The following ATP13A4 variants were observed in gnomAD, a reference collection of about 807,000 sequenced individuals.
ATP13A4 encodes the protein ATPase 13A4.
In ATP13A4, 114 loss-of-function variants were observed where a neutral mutation model predicts 142.5. The observed-to-expected ratio is 0.80, with a 90% CI of 0.69 to 0.93. The LOEUF (loss-of-function observed/expected upper bound fraction) is 0.93. Among genes scored for constraint, ATP13A4 ranks in the 40% least tolerant of loss-of-function variants. ATP13A4 has a pLI of 0.00. For synonymous variants in ATP13A4, 488 were observed against 514.8 expected, an observed-to-expected ratio of 0.95 and a Z score of 0.70; for missense variants, 1,392 against 1,454.0, an observed-to-expected ratio of 0.96 and a Z score of 0.69.
chr3:193,505,904 G>C (rs1464575120), intron 2 of ATP13A4, among the ~76,000 whole-genome samples: 2 of 152,164 alleles, frequency 1.3e-5, no homozygotes, highest in Non-Finnish European at 2.9e-5. Context: ...TCTTACAACT[G>C]TCTGAAGCTA....
intron 13 of ATP13A4, among the ~76,000 whole-genome samples, chr3:193,459,467 C>T (rs1717827655): frequency 6.6e-6 from 1 of 152,212 alleles, no homozygotes; most frequent in Admixed American, 6.5e-5. Flanking sequence ...CACTCTATCA[C>T]TCTGTCACCC....
rs78372936 is a variant in ATP13A4, at chr3:193,432,213, C to A, written c.2842+1632G>T. ...GTAGGAGTAAAAGCATAAATGGAAC[C>A]ACTACAAACCTATTAGAATGGCCAA... On this transcript the variant is annotated intron_variant, in intron 25 of 29. Transcript: ENST00000342695. Among the ~76,000 whole-genome samples, 571 of 151,916 alleles carry A rather than the reference C, an allele frequency of 3.8e-3. 3 individuals carry two copies. The highest frequency in any genetic ancestry group is 0.013 in the African/African-American group (548 of 41,448).
intron 1 of ATP13A4, among the ~76,000 whole-genome samples, chr3:193,523,026 G>C (rs1487485531): frequency 6.6e-6 from 1 of 151,954 alleles, no homozygotes. Context: ...CTCTCAGCCA[G>C]GTGTGGTGGC....
intron 1 of ATP13A4, among the ~76,000 whole-genome samples, chr3:193,542,936 T>C (rs371883882): frequency 1.4e-4 from 22 of 152,028 alleles, no homozygotes; most frequent in African/African-American, 5.1e-4. Context: ...GAGGCCGAGG[T>C]GGGCAGATCA....
Position 193,466,034 on chromosome 3 carries a change from C to T in ATP13A4, c.1263G>A (p.Val421=), listed in dbSNP as rs1718257906. The change falls in exon 11 of 30, where the codon GTG becomes GTA. Residue 421 remains valine, a synonymous_variant. Transcript: ENST00000342695. Reference sequence around the variant, plus strand: ...AGCAAAGACAGCTTACCCCACTAAGCACATAGACACACAGAGTATAGATCA... The same window carrying T: ...AGCAAAGACAGCTTACCCCACTAAGTACATAGACACACAGAGTATAGATCA... ...IGMIYTLCVY[V]LSGEPPEEVV... is the part of the protein sequence containing the mutation. The T allele has an allele frequency of 5.0e-6, 8 of 1,614,000 alleles. No individual in the cohort carries two copies. The highest frequency in any genetic ancestry group is 1.7e-5 in the Admixed American group (1 of 60,000).
intron 1 of ATP13A4, among the ~76,000 whole-genome samples, chr3:193,553,000 G>C (rs74808625): frequency 6.6e-5 from 10 of 152,308 alleles, no homozygotes; most frequent in African/African-American, 2.2e-4. Context: ...GAGTTAAAAA[G>C]GAACACAGTG....
intron 2 of ATP13A4, among the ~76,000 whole-genome samples, chr3:193,504,285 G>A (rs1458728678): frequency 6.6e-6 from 1 of 152,074 alleles, no homozygotes; most frequent in East Asian, 1.9e-4. Context: ...TGATAGACAT[G>A]GTCTAGGTAT....
At chr3:193,578,867 T>G (rs961323807) in intron 2 of ATP13A4, 34 of 160,780 alleles carry the variant, frequency 2.1e-4, no homozygotes, top group East Asian at 3.5e-4. Flanking sequence ...TGTGGCTGGG[T>G]TGTAGCCAGT....
intron 2 of ATP13A4, among the ~76,000 whole-genome samples, chr3:193,513,552 G>C (rs1206348062): frequency 6.6e-6 from 1 of 152,190 alleles, no homozygotes; most frequent in Non-Finnish European, 1.5e-5. Flanking sequence ...CCACATGCAG[G>C]AACTGGGGGT....
intron 2 of ATP13A4, among the ~76,000 whole-genome samples, chr3:193,566,603 T>C (rs572941971): frequency 6.6e-6 from 1 of 152,270 alleles, no homozygotes; most frequent in African/African-American, 2.4e-5. Flanking sequence ...CACACACTAT[T>C]GGAGCATGAG....
Position 193,442,529 on chromosome 3 carries a change from ACT to A in ATP13A4, c.2178_2179del (p.Val727GlyfsTer9), listed in dbSNP as rs1318028600. 6 of 1,613,942 alleles carry A rather than the reference ACT, an allele frequency of 3.7e-6. No homozygotes were observed. The African/African-American group carries it at 8.0e-5, about 22-fold the overall frequency. ...AGAAACCATTCCAGATTTTCTGGCC[ACT>A]GTTATTGCAGTCTGAAGATTGTCAC... On this transcript the variant is annotated frameshift_variant, in exon 19 of 30. Coordinates refer to ENST00000342695, the MANE Select transcript of ATP13A4 (RefSeq NM_032279.4). LOFTEE classifies it high-confidence loss of function.
chr3:193,526,674 A>C (rs1281325819), intron 1 of ATP13A4, among the ~76,000 whole-genome samples: 1 of 152,206 alleles, frequency 6.6e-6, no homozygotes, highest in African/African-American at 2.4e-5. Flanking sequence ...TGATCCTGTA[A>C]ACTTCAAAAA....
chr3:193,483,754 G>A (rs575785198), intron 8 of ATP13A4, among the ~76,000 whole-genome samples, 182 bp downstream of exon 8: 4 of 152,126 alleles, frequency 2.6e-5, no homozygotes, highest in African/African-American at 7.2e-5. Flanking sequence ...GTGAGCCACC[G>A]CACCCGGTCT....
chr3:193,447,391 G>A (rs1000145938), intron 18 of ATP13A4, among the ~76,000 whole-genome samples: 2 of 152,124 alleles, frequency 1.3e-5, no homozygotes, highest in African/African-American at 4.8e-5. Flanking sequence ...GTATTCTAGA[G>A]TTTGCAACTG....
chr3:193,485,080 C>G (rs7372540), intron 7 of ATP13A4, among the ~76,000 whole-genome samples: 79,541 of 151,568 alleles, frequency 0.52, 21,328 homozygotes, highest in African/African-American at 0.63. Context: ...GAAAAAAAGA[C>G]TATGTTTCAG....
chr3:193,445,010 T>C (rs1445335526), intron 18 of ATP13A4, among the ~76,000 whole-genome samples: 1 of 152,118 alleles, frequency 6.6e-6, no homozygotes, highest in East Asian at 1.9e-4. Context: ...GCTCCAATCA[T>C]CTGACAGAAA....
intron 16 of ATP13A4, 151 bp from the exon 17 acceptor site, chr3:193,454,363 A>G (rs1242099001): frequency 2.9e-6 from 2 of 692,036 alleles, no homozygotes; most frequent in African/African-American, 3.5e-5. Context: ...AAACATAACT[A>G]CATTGTCAGG....
chr3:193,420,201 G>A lies in ATP13A4; in HGVS notation c.2843-5451C>T, dbSNP rs998560520. Among the ~76,000 whole-genome samples the A allele has an allele frequency of 5.4e-5, 8 of 149,484 alleles. 1 individual carries two copies. Among genetic ancestry groups the A allele is most frequent in the Admixed American group, 4.1e-4 (6 of 14,474 alleles). ...TATAGGTCATGCCAGACCTGACACCGAGAGGGTCCCTCAGTCAAGTCTCCC... is the reference window on the plus strand; with the variant it reads ...TATAGGTCATGCCAGACCTGACACCAAGAGGGTCCCTCAGTCAAGTCTCCC... On this transcript the variant is annotated intron_variant, in intron 25 of 29. Coordinates refer to ENST00000342695, the MANE Select transcript of ATP13A4 (RefSeq NM_032279.4).
chr3:193,419,552 C>T (rs1236527779), intron 25 of ATP13A4, among the ~76,000 whole-genome samples: 2 of 104,230 alleles, frequency 1.9e-5, no homozygotes, highest in Non-Finnish European at 4.7e-5. Flanking sequence ...TCATACCTCA[C>T]TTCCCCGACC....
Sources: allele counts gnomAD v4.1 joint callset (sites outside exome capture counted in the v4.1 genomes callset), GRCh38; gene constraint gnomAD v4.1.1; transcripts MANE v1.5; gene names NCBI Gene and HGNC (gene_info 2026-07-23, HGNC 2026-07-21).